DENND1A: variants seen among roughly 807,000 people sequenced by gnomAD.
The protein encoded by DENND1A is DENN domain-containing protein 1A.
DENND1A carries 51 observed loss-of-function variants against 113.7 expected under a neutral mutation model. That is an observed-to-expected ratio of 0.45 (90% CI 0.36 to 0.57). The LOEUF (loss-of-function observed/expected upper bound fraction) is 0.57. Ranked by LOEUF, DENND1A falls within the 20% of genes least tolerant of loss-of-function variation. The pLI, the probability that DENND1A is intolerant of heterozygous loss-of-function variation, is 0.00. For synonymous variants in DENND1A, 565 were observed against 570.8 expected (o/e 0.99, Z 0.14); for missense variants, 1,258 against 1,395.9 (o/e 0.90, Z 1.57).
intron 1 of DENND1A, among the ~76,000 whole-genome samples, chr9:123,912,453 T>C (rs1413460342): frequency 6.6e-6 from 1 of 152,174 alleles, no homozygotes; most frequent in Non-Finnish European, 1.5e-5. Flanking sequence ...AGCTTTCTTC[T>C]AGCCAAAGGA....
chr9:123,745,424 A>C (rs1416972347), intron 5 of DENND1A, among the ~76,000 whole-genome samples: 1 of 152,244 alleles, frequency 6.6e-6, no homozygotes, highest in East Asian at 1.9e-4. Flanking sequence ...CTTCTTTAAA[A>C]AGCAAGGAGC....
intron 1 of DENND1A, among the ~76,000 whole-genome samples, chr9:123,913,687 C>A (rs1170846965): frequency 6.6e-6 from 1 of 150,676 alleles, no homozygotes; most frequent in African/African-American, 2.4e-5. Context: ...GGGTGGATCA[C>A]CTGAGGTCAG....
chr9:123,613,587 A>C (rs1382661038), intron 10 of DENND1A, among the ~76,000 whole-genome samples: 1 of 152,238 alleles, frequency 6.6e-6, no homozygotes, highest in Non-Finnish European at 1.5e-5. Flanking sequence ...TCTTCTCCAG[A>C]GCCTTTTAGC....
At chr9:123,677,383 T>C (rs2064148451) in intron 5 of DENND1A, among the ~76,000 whole-genome samples, 1 of 152,208 alleles carries the variant, frequency 6.6e-6, no homozygotes, top group African/African-American at 2.4e-5. Context: ...CAGAGCAGAC[T>C]GGCTGCTGAC....
At chr9:123,765,646 T>G (rs945349566) in intron 4 of DENND1A, among the ~76,000 whole-genome samples, 1 of 152,216 alleles carries the variant, frequency 6.6e-6, no homozygotes, top group Non-Finnish European at 1.5e-5. Context: ...AGCTTTTCCA[T>G]CATCCAATGC....
At chr9:123,539,507 A>C (rs985128679) in intron 13 of DENND1A, among the ~76,000 whole-genome samples, 11 of 152,186 alleles carry the variant, frequency 7.2e-5, no homozygotes, top group African/African-American at 2.7e-4. Context: ...AAATCAAGAT[A>C]GTGGCATGAA....
At chr9:123,570,929 C>T (rs919218928) in intron 12 of DENND1A, among the ~76,000 whole-genome samples, 1 of 152,066 alleles carries the variant, frequency 6.6e-6, no homozygotes, top group Admixed American at 6.6e-5. Context: ...TGTAAACACG[C>T]CTTTAGATCT....
intron 5 of DENND1A, among the ~76,000 whole-genome samples, chr9:123,704,378 C>A (rs1284959810): frequency 6.6e-6 from 1 of 152,166 alleles, no homozygotes; most frequent in Non-Finnish European, 1.5e-5. Flanking sequence ...TGATTAAATT[C>A]TATCAGCAGA....
At chr9:123,795,120 A>G (rs1373317289) in intron 2 of DENND1A, among the ~76,000 whole-genome samples, 1 of 152,240 alleles carries the variant, frequency 6.6e-6, no homozygotes, top group Non-Finnish European at 1.5e-5. Context: ...AACAAACTTC[A>G]TAGGTCTTTA....
chr9:123,435,027 AG>A (rs2046414155), intron 19 of DENND1A, among the ~76,000 whole-genome samples: 1 of 152,126 alleles, frequency 6.6e-6, no homozygotes, highest in South Asian at 2.1e-4. Context: ...AGGAGGGCGG[AG>A]CCTGGCTCTG....
intron 10 of DENND1A, among the ~76,000 whole-genome samples, chr9:123,625,206 C>T (rs1336635884): frequency 1.3e-5 from 2 of 152,156 alleles, no homozygotes; most frequent in African/African-American, 2.4e-5. Flanking sequence ...GTTACTAAAG[C>T]TCTTGGGGCC....
intron 5 of DENND1A, among the ~76,000 whole-genome samples, chr9:123,745,508 G>A (rs772541497): frequency 6.6e-6 from 1 of 152,204 alleles, no homozygotes; most frequent in Non-Finnish European, 1.5e-5. Context: ...ACCACTGAAG[G>A]AAACAATTTG....
chr9:123,709,638 G>A (rs927777518), intron 5 of DENND1A, among the ~76,000 whole-genome samples: 4 of 152,076 alleles, frequency 2.6e-5, no homozygotes, highest in African/African-American at 9.7e-5. Context: ...GCTCAGTGAT[G>A]GCCCACCTAT....
chr9:123,823,946 T>C (rs1448607484), intron 2 of DENND1A, among the ~76,000 whole-genome samples: 2 of 152,168 alleles, frequency 1.3e-5, no homozygotes, highest in Non-Finnish European at 2.9e-5. Flanking sequence ...CAATTTGAGA[T>C]GTCTATGAGA....
At chr9:123,469,911 G>C (rs751101578) in intron 13 of DENND1A, among the ~76,000 whole-genome samples, 1 of 152,212 alleles carries the variant, frequency 6.6e-6, no homozygotes, top group Non-Finnish European at 1.5e-5. Flanking sequence ...AACGAAGTCT[G>C]TCTGGCCCTG....
chr9:123,817,022 G>C (rs1257170481), intron 2 of DENND1A, among the ~76,000 whole-genome samples: 1 of 152,060 alleles, frequency 6.6e-6, no homozygotes, highest in Non-Finnish European at 1.5e-5. Context: ...GTTACTTCCT[G>C]GCAGAATTCC....
At chr9:123,461,631 G>A (rs1045766655) in intron 13 of DENND1A, among the ~76,000 whole-genome samples, 1 of 152,212 alleles carries the variant, frequency 6.6e-6, no homozygotes, top group Non-Finnish European at 1.5e-5. Flanking sequence ...TTTGCAACCA[G>A]ATTCGTAGAT....
intron 4 of DENND1A, chr9:123,759,821 C>G (rs1413209108): frequency 6.6e-6 from 1 of 152,196 alleles, no homozygotes; most frequent in East Asian, 1.9e-4. Context: ...CTACCTTATG[C>G]TAGATTCAGT....
At chr9:123,539,078 T>C (rs1346785971) in intron 13 of DENND1A, among the ~76,000 whole-genome samples, 1 of 151,880 alleles carries the variant, frequency 6.6e-6, no homozygotes, top group Non-Finnish European at 1.5e-5. Context: ...ATTATAAGCT[T>C]AGAATATCAC....
Sources: allele counts gnomAD v4.1 joint callset (sites outside exome capture counted in the v4.1 genomes callset), GRCh38; gene constraint gnomAD v4.1.1; transcripts MANE v1.5; gene names NCBI Gene and HGNC (gene_info 2026-07-23, HGNC 2026-07-21).